DACH2: variants seen among roughly 807,000 people sequenced by gnomAD.
The protein encoded by DACH2 is dachshund homolog 2.
A neutral mutation model predicts 35.8 loss-of-function variants in DACH2; 17 were observed. The ratio of observed to expected loss-of-function variants is 0.48; its 90% CI spans 0.33 to 0.71. The LOEUF (loss-of-function observed/expected upper bound fraction) is 0.71, where lower values mean the gene tolerates loss of function less well. Among genes scored for constraint, DACH2 ranks in the 30% least tolerant of loss-of-function variants. DACH2 has a pLI of 0.02. For synonymous variants in DACH2, 195 were observed against 177.3 expected (o/e 1.10, Z -0.79); for missense variants, 469 against 472.7 (o/e 0.99, Z 0.07).
At chrX:86,560,608 A>G (rs1326379707) in intron 3 of DACH2, among the ~76,000 whole-genome samples, 1 of 93,777 alleles carries the variant, frequency 1.1e-5, no homozygotes, top group Non-Finnish European at 2.1e-5. Context: ...ATCTACAACT[A>G]TCTGATCTTT....
At chrX:86,807,583 T>G (rs2042357012) in intron 7 of DACH2, among the ~76,000 whole-genome samples, 1 of 112,094 alleles carries the variant, frequency 8.9e-6, no homozygotes, top group South Asian at 3.7e-4. Flanking sequence ...TTTTTTATTT[T>G]AAAAAATTCC....
intron 4 of DACH2, among the ~76,000 whole-genome samples, chrX:86,661,662 G>T (rs1379813333): frequency 8.9e-6 from 1 of 112,204 alleles, no homozygotes; most frequent in Non-Finnish European, 1.9e-5. Flanking sequence ...CGCAAGATTT[G>T]TGTAGACATA....
At chrX:86,196,464 G>A (rs1021931495) in intron 1 of DACH2, among the ~76,000 whole-genome samples, 24 of 108,974 alleles carry the variant, frequency 2.2e-4, no homozygotes, top group Admixed American at 6.9e-4. Context: ...AGGCTGAAGC[G>A]GGTGGATCAT....
At chrX:86,681,754 A>G (rs2040885057) in intron 4 of DACH2, among the ~76,000 whole-genome samples, 1 of 108,840 alleles carries the variant, frequency 9.2e-6, no homozygotes. Flanking sequence ...GGCTTTTAGT[A>G]TTTTTTTCTG....
At chrX:86,400,677 G>T (rs1309758783) in intron 2 of DACH2, among the ~76,000 whole-genome samples, 1 of 111,946 alleles carries the variant, frequency 8.9e-6, no homozygotes, top group Non-Finnish European at 1.9e-5. Flanking sequence ...ATCAGCAGCA[G>T]TTTCTGCAGA....
rs1179829000 is a variant in DACH2 at position 86,161,206 on chromosome X, CAATT to C, written c.488+12100_488+12103del. On this transcript the variant is annotated intron_variant, in intron 1 of 11. Transcript: ENST00000373125. ...GTGGAATCCATTTTGTTAACACCAACAATTAGTTGTTTCACATCCAGTGTGTAAG... is the reference window on the plus strand; with the variant it reads ...GTGGAATCCATTTTGTTAACACCAACAGTTGTTTCACATCCAGTGTGTAAG... The C allele has an allele frequency of 2.2e-5, 26 of 1,179,971 alleles. No individual in the cohort carries two copies. In the African/African-American group the frequency reaches 4.6e-4, roughly 21 times the overall value.
intron 1 of DACH2, among the ~76,000 whole-genome samples, chrX:86,341,334 A>T (rs1419373488): frequency 8.9e-6 from 1 of 111,822 alleles, no homozygotes; most frequent in Non-Finnish European, 1.9e-5. Context: ...GTATGCTAAA[A>T]CTACTCTGCC....
chrX:86,197,392 T>A (rs780015695), intron 1 of DACH2, among the ~76,000 whole-genome samples: 10 of 111,448 alleles, frequency 9.0e-5, no homozygotes, highest in Non-Finnish European at 1.7e-4. Flanking sequence ...AATGACAGGA[T>A]CAAATCCACA....
intron 3 of DACH2, among the ~76,000 whole-genome samples, chrX:86,535,873 A>G (rs2092227): frequency 0.049 from 5,457 of 111,274 alleles, 117 homozygotes; most frequent in Middle Eastern, 0.099. Flanking sequence ...AGCGAGAAAC[A>G]GAGACAATTA....
At position 86,321,309 on chromosome X, in the gene DACH2, CT is replaced by C. The variant is rs2035012017; in HGVS notation, c.489-55514del. ...AACTAGAAAGAATTTTAAAAAGGGC[CT>C]GTGTAAGCAACTTCCTCCCAATATA... On this transcript the variant is annotated intron_variant, in intron 1 of 11. Coordinates refer to ENST00000373125, the MANE Select transcript of DACH2 (RefSeq NM_053281.3). 3.6e-5 allele frequency among the ~76,000 whole-genome samples: 4 copies of C among 111,577 alleles called. No homozygotes were observed. In the South Asian group the frequency reaches 1.1e-3, roughly 31 times the overall value.
intron 1 of DACH2, among the ~76,000 whole-genome samples, chrX:86,357,192 C>T (rs1040399326): frequency 8.9e-6 from 1 of 112,401 alleles, no homozygotes; most frequent in Non-Finnish European, 1.9e-5. Flanking sequence ...ACCAACTATG[C>T]AAGCTTACTT....
At chrX:86,599,311 C>G (rs1425013420) in intron 3 of DACH2, among the ~76,000 whole-genome samples, 1 of 110,599 alleles carries the variant, frequency 9.0e-6, no homozygotes, top group Non-Finnish European at 1.9e-5. Flanking sequence ...AAGAAATTGC[C>G]TCTTTTCTTC....
Position 86,496,076 on chromosome X carries a change from C to T in DACH2, c.528-18203C>T, listed in dbSNP as rs961018467. Among the ~76,000 whole-genome samples the T allele has an allele frequency of 2.3e-4, 25 of 110,912 alleles. No individual in the cohort carries two copies. In the Admixed American group the frequency reaches 2.3e-3, roughly 10 times the overall value. ...GTGTGACGTGCTTATTATCTTTACA[C>T]TATGGAATATAAAGCAAGGCATATT... On this transcript the variant is annotated intron_variant, in intron 2 of 11. Transcript: ENST00000373125.
intron 2 of DACH2, among the ~76,000 whole-genome samples, chrX:86,431,850 C>G (rs2036990206): frequency 1.8e-5 from 2 of 111,224 alleles, no homozygotes; most frequent in Admixed American, 9.6e-5. Flanking sequence ...TTAAACAAAT[C>G]ATAAGGTTGA....
rs1440431436 is a variant in DACH2, at chrX:86,563,435, A to G, written c.640+49044A>G. On this transcript the variant is annotated intron_variant, in intron 3 of 11. Transcript: ENST00000373125. ...TTGTAATACAGGGTTTAGGTATAAA[A>G]CAACAGCTGTGTATAGATCCAATAA... is the stretch of plus-strand genomic sequence containing the variant. Among the ~76,000 whole-genome samples, 3 of 110,860 alleles carry G rather than the reference A, an allele frequency of 2.7e-5. No homozygotes were observed. The East Asian group carries it at 8.6e-4, about 32-fold the overall frequency.
At chrX:86,339,475 G>A (rs1011848178) in intron 1 of DACH2, among the ~76,000 whole-genome samples, 2 of 111,169 alleles carry the variant, frequency 1.8e-5, no homozygotes, top group Non-Finnish European at 3.8e-5. Flanking sequence ...ACTATGTGGC[G>A]GGCACAAACT....
intron 3 of DACH2, among the ~76,000 whole-genome samples, chrX:86,639,466 G>T (rs1209819741): frequency 1.8e-5 from 2 of 111,306 alleles, no homozygotes; most frequent in Admixed American, 1.9e-4. Context: ...TAAATACTTG[G>T]GCTTACTGGC....
chrX:86,316,007 G>T (rs1027921016), intron 1 of DACH2, among the ~76,000 whole-genome samples: 1 of 111,061 alleles, frequency 9.0e-6, no homozygotes, highest in Admixed American at 9.6e-5. Context: ...AAGGCCCAAA[G>T]ATTTAGTTGG....
At chrX:86,703,694 T>A (rs2041172876) in intron 5 of DACH2, among the ~76,000 whole-genome samples, 1 of 111,312 alleles carries the variant, frequency 9.0e-6, no homozygotes, top group African/African-American at 3.3e-5. Context: ...ATGTAAAATA[T>A]CTAGGAATAC....
Sources: gnomAD v4.1 joint callset for allele counts (sites outside exome capture counted in the v4.1 genomes callset) on GRCh38, gnomAD v4.1.1 for gene constraint, MANE v1.5 for transcripts, NCBI Gene and HGNC (gene_info 2026-07-23, HGNC 2026-07-21) for gene names.